Variants in GNA14 observed in about 807,000 individuals in gnomAD.
GNA14 encodes guanine nucleotide-binding protein subunit alpha-14.
A neutral mutation model predicts 42.0 loss-of-function variants in GNA14; 50 were observed. The observed-to-expected ratio is 1.19, with a 90% CI of 0.95 to 1.51. The LOEUF (loss-of-function observed/expected upper bound fraction) is 1.51, where lower values mean the gene tolerates loss of function less well. Among genes scored for constraint, GNA14 ranks in the 40% most tolerant of loss-of-function variants. The pLI, the probability that GNA14 is intolerant of heterozygous loss-of-function variation, is 0.00. For synonymous variants in GNA14, 173 were observed against 163.1 expected (o/e 1.06, Z -0.46); for missense variants, 473 against 446.2 (o/e 1.06, Z -0.54).
chr9:77,632,760 C>T (rs539308088), intron 1 of GNA14, among the ~76,000 whole-genome samples: 1 of 152,188 alleles, frequency 6.6e-6, no homozygotes, highest in Non-Finnish European at 1.5e-5. Flanking sequence ...GAGCTGCCCA[C>T]CCTGCTACAG....
chr9:77,608,159 C>T (rs1429922869), intron 1 of GNA14, among the ~76,000 whole-genome samples: 2 of 152,200 alleles, frequency 1.3e-5, no homozygotes, highest in Non-Finnish European at 2.9e-5. Flanking sequence ...GAAGATTATT[C>T]TTAAGCCTTA....
intron 1 of GNA14, among the ~76,000 whole-genome samples, chr9:77,615,504 C>T (rs1034796266): frequency 4.6e-5 from 7 of 152,128 alleles, no homozygotes; most frequent in Non-Finnish European, 7.3e-5. Context: ...ACCCAACATT[C>T]AGCATGTACT....
At chr9:77,512,539 A>T (rs934692654) in intron 2 of GNA14, among the ~76,000 whole-genome samples, 1 of 152,188 alleles carries the variant, frequency 6.6e-6, no homozygotes, top group Admixed American at 6.5e-5. Context: ...TTCCCACTCC[A>T]TTCAAAGGTA....
chr9:77,538,017 A>G (rs1837617558), intron 1 of GNA14, among the ~76,000 whole-genome samples: 1 of 150,376 alleles, frequency 6.6e-6, no homozygotes, highest in South Asian at 2.1e-4. Flanking sequence ...CCATTCAACA[A>G]GTTGTTTTAT....
At chr9:77,588,996 T>C (rs1823347682) in intron 1 of GNA14, among the ~76,000 whole-genome samples, 2 of 152,168 alleles carry the variant, frequency 1.3e-5, no homozygotes, top group African/African-American at 2.4e-5. Context: ...AAGAACTGTT[T>C]GTTTGCTTTA....
At chr9:77,440,936 G>A (rs1328935967) in intron 2 of GNA14, among the ~76,000 whole-genome samples, 1 of 152,100 alleles carries the variant, frequency 6.6e-6, no homozygotes, top group Non-Finnish European at 1.5e-5. Context: ...GGCTGGTCCT[G>A]AACTCCTGAC....
chr9:77,469,803 A>G (rs1321370201), intron 2 of GNA14, among the ~76,000 whole-genome samples: 1 of 152,206 alleles, frequency 6.6e-6, no homozygotes, highest in Admixed American at 6.5e-5. Context: ...ATCAGTTTTC[A>G]GCATTCCTGG....
intron 2 of GNA14, among the ~76,000 whole-genome samples, chr9:77,488,677 T>C (rs940749929): frequency 4.6e-5 from 7 of 151,604 alleles, no homozygotes; most frequent in African/African-American, 7.3e-5. Context: ...TGAGAAAAGC[T>C]TGGGCTCAAG....
At chr9:77,613,794 G>A (rs1350809697) in intron 1 of GNA14, among the ~76,000 whole-genome samples, 4 of 152,156 alleles carry the variant, frequency 2.6e-5, no homozygotes. Flanking sequence ...ACCATAATGT[G>A]CGATGTGCTA....
chr9:77,518,055 T>C (rs998597472), intron 2 of GNA14: 1 of 152,174 alleles, frequency 6.6e-6, no homozygotes, highest in African/African-American at 2.4e-5. Flanking sequence ...GTGAAAAAGG[T>C]AGCCTGTTCA....
chr9:77,470,272 A>G (rs1035044519), intron 2 of GNA14, among the ~76,000 whole-genome samples: 3 of 152,218 alleles, frequency 2.0e-5, no homozygotes, highest in African/African-American at 7.2e-5. Context: ...GGCTGACACC[A>G]GGTCATACCA....
At chr9:77,525,588 G>A (rs1222539535) in intron 2 of GNA14, among the ~76,000 whole-genome samples, 1 of 150,866 alleles carries the variant, frequency 6.6e-6, no homozygotes, top group Non-Finnish European at 1.5e-5. Flanking sequence ...GCCCAGGCTG[G>A]AGTGCAGTGG....
chr9:77,547,258 G>T (rs1837731492), intron 1 of GNA14, among the ~76,000 whole-genome samples: 1 of 152,182 alleles, frequency 6.6e-6, no homozygotes, highest in Non-Finnish European at 1.5e-5. Context: ...CAACTAAAAT[G>T]CAATCTGTAG....
At chr9:77,644,257 C>A (rs959506167) in intron 1 of GNA14, among the ~76,000 whole-genome samples, 7 of 151,464 alleles carry the variant, frequency 4.6e-5, no homozygotes, top group Non-Finnish European at 8.8e-5. Flanking sequence ...TTGAGCCCAG[C>A]GATCATTTGA....
chr9:77,469,304 T>C (rs776434837), intron 2 of GNA14, among the ~76,000 whole-genome samples: 79 of 148,140 alleles, frequency 5.3e-4, no homozygotes, highest in Non-Finnish European at 9.9e-4. Context: ...AAGTATTGCA[T>C]TCATATATAA....
chr9:77,439,559 C>G (rs1435439888), intron 2 of GNA14, among the ~76,000 whole-genome samples: 1 of 152,192 alleles, frequency 6.6e-6, no homozygotes, highest in Non-Finnish European at 1.5e-5. Context: ...ATTGCTTGAG[C>G]CTGGGAGGTC....
At chr9:77,613,378 A>C (rs1253098273) in intron 1 of GNA14, among the ~76,000 whole-genome samples, 3 of 152,238 alleles carry the variant, frequency 2.0e-5, no homozygotes, top group Non-Finnish European at 4.4e-5. Context: ...GGCAGTTGCC[A>C]GGGAGTAGGA....
intron 2 of GNA14, among the ~76,000 whole-genome samples, chr9:77,478,127 T>G (rs546293968): frequency 7.9e-5 from 12 of 151,956 alleles, no homozygotes; most frequent in African/African-American, 2.4e-4. Flanking sequence ...GCTGCACCCA[T>G]TAACTCGTCA....
rs535223058 is a variant in GNA14 at position 77,629,955 on chromosome 9, T to A, written c.124+17715A>T. On this transcript the variant is annotated intron_variant, in intron 1 of 6. Coordinates refer to ENST00000341700, the MANE Select transcript of GNA14 (RefSeq NM_004297.4). ...CTGAATTTTTAAAATCTTGTCCTTA[T>A]TTATGGTATTTAAATCTGATATTAA... is the stretch of plus-strand genomic sequence containing the variant. Among the ~76,000 whole-genome samples, 32 of 152,296 alleles carry A rather than the reference T, an allele frequency of 2.1e-4. 1 individual carries two copies. The South Asian group carries it at 5.4e-3, about 26-fold the overall frequency.
Sources: gnomAD v4.1 joint callset for allele counts (sites outside exome capture counted in the v4.1 genomes callset) on GRCh38, gnomAD v4.1.1 for gene constraint, MANE v1.5 for transcripts, NCBI Gene and HGNC (gene_info 2026-07-23, HGNC 2026-07-21) for gene names.